Variants in ARHGAP22 observed in about 807,000 individuals in gnomAD.
The protein encoded by ARHGAP22 is Rho GTPase activating protein 22.
Under a neutral mutation model 59.1 loss-of-function variants are expected in ARHGAP22, and 48 were observed. That is an observed-to-expected ratio of 0.81 (90% CI 0.64 to 1.03). ARHGAP22 has a LOEUF of 1.03. Ranked by LOEUF, ARHGAP22 falls within the 50% of genes least tolerant of loss-of-function variation. The pLI, the probability that ARHGAP22 is intolerant of heterozygous loss-of-function variation, is 0.00. For missense variants in ARHGAP22, 1,015 were observed against 958.7 expected (o/e 1.06, Z -0.78); for synonymous variants, 445 against 416.4 (o/e 1.07, Z -0.84).
At chr10:48,592,045 A>C (rs999873502) in intron 1 of ARHGAP22, among the ~76,000 whole-genome samples, 34 of 152,228 alleles carry the variant, frequency 2.2e-4, no homozygotes, top group African/African-American at 8.2e-4. Context: ...GTTAGTAAGA[A>C]AATGGACAAA....
At chr10:48,628,966 T>C (rs1284853873) in intron 1 of ARHGAP22, among the ~76,000 whole-genome samples, 1 of 152,178 alleles carries the variant, frequency 6.6e-6, no homozygotes, top group Non-Finnish European at 1.5e-5. Flanking sequence ...CTGACCAATG[T>C]GTCTGCTCCT....
At chr10:48,510,584 G>C (rs1031550356) in intron 3 of ARHGAP22, 1 of 152,212 alleles carries the variant, frequency 6.6e-6, no homozygotes, top group African/African-American at 2.4e-5. Context: ...TCCTTGTCTT[G>C]AGTAACTCTT....
chr10:48,455,026 CT>C lies in ARHGAP22; in HGVS notation c.767del (p.Gln256ArgfsTer18). Reference protein sequence around the residue: ...ARYEDFLSCAQLLTKDEGEGT... With the variant: ...ARYEDFLSCAXLLTKDEGEGT... ...CCTCCCCCTCGTCCTTGGTGAGCAG[CT>C]GGGCGCAGCTGAGGAAGTCCTCGTA... On this transcript the variant is annotated frameshift_variant, in exon 6 of 10. Transcript: ENST00000249601. LOFTEE classifies it high-confidence loss of function. The C allele has an allele frequency of 6.2e-7, 1 of 1,608,122 alleles. No individual in the cohort carries two copies. Among genetic ancestry groups the C allele is most frequent in the Non-Finnish European group, 8.5e-7 (1 of 1,176,330 alleles).
intron 1 of ARHGAP22, chr10:48,624,790 G>A (rs1165185432): frequency 1.3e-5 from 2 of 152,232 alleles, no homozygotes; most frequent in African/African-American, 4.8e-5. Context: ...CAGTAAGAGT[G>A]AAGTGATTCC....
chr10:48,548,016 G>A (rs920332411), intron 3 of ARHGAP22, among the ~76,000 whole-genome samples: 1 of 152,198 alleles, frequency 6.6e-6, no homozygotes, highest in African/African-American at 2.4e-5. Context: ...TGGTCCAGAT[G>A]CCAGAGTGGA....
At chr10:48,581,521 G>T (rs965382895) in intron 2 of ARHGAP22, among the ~76,000 whole-genome samples, 2 of 152,290 alleles carry the variant, frequency 1.3e-5, no homozygotes, top group East Asian at 1.9e-4. Flanking sequence ...ATACAATCAA[G>T]GAGGCTGGAC....
At position 48,555,445 on chromosome 10, in the gene ARHGAP22, G is replaced by A. The variant is rs557201911; in HGVS notation, c.322+18C>T. The A allele has an allele frequency of 4.3e-6, 7 of 1,612,450 alleles. No homozygotes were observed. The highest frequency in any genetic ancestry group is 1.3e-5 in the African/African-American group (1 of 75,002). ...CACCCCCACCAGGGCTGCAGAGCTG[G>A]AAGGTGCTCAGGCCTACCTGGGCTG... On this transcript the variant is annotated intron_variant, in intron 3 of 9. Coordinates refer to ENST00000249601, the MANE Select transcript of ARHGAP22 (RefSeq NM_021226.4).
At chr10:48,636,581 C>A (rs568762214) in intron 1 of ARHGAP22, among the ~76,000 whole-genome samples, 1 of 152,350 alleles carries the variant, frequency 6.6e-6, no homozygotes, top group East Asian at 1.9e-4. Context: ...CACAGCCCTG[C>A]CCTTTTGCAG....
the ARHGAP22 span, among the ~76,000 whole-genome samples, chr10:48,432,751 A>G: frequency 6.6e-6 from 1 of 152,224 alleles, no homozygotes; most frequent in East Asian, 1.9e-4. Flanking sequence ...TTAATTTGTA[A>G]GTGAATAATT....
intron 3 of ARHGAP22, among the ~76,000 whole-genome samples, chr10:48,512,036 A>AG (rs2052824289): frequency 6.6e-6 from 1 of 152,236 alleles, no homozygotes; most frequent in African/African-American, 2.4e-5. Flanking sequence ...TCCAGTGGTG[A>AG]GCAGGCTCTC....
At chr10:48,517,586 G>A (rs1254642100) in intron 3 of ARHGAP22, among the ~76,000 whole-genome samples, 1 of 152,160 alleles carries the variant, frequency 6.6e-6, no homozygotes, top group Non-Finnish European at 1.5e-5. Context: ...CCGAGGTCAG[G>A]GACTTAGGGC....
intron 4 of ARHGAP22, among the ~76,000 whole-genome samples, chr10:48,467,900 A>G (rs1200174783): frequency 6.6e-6 from 1 of 152,182 alleles, no homozygotes; most frequent in Non-Finnish European, 1.5e-5. Flanking sequence ...CTGGACGTGC[A>G]GAGCTGGGTC....
the ARHGAP22 span, chr10:48,431,131 C>T: frequency 9.9e-7 from 1 of 1,006,204 alleles, no homozygotes; most frequent in Non-Finnish European, 1.6e-6. Flanking sequence ...TTAAACCATA[C>T]ATGCGTTGTG....
rs983250436 is a variant in ARHGAP22, at chr10:48,507,900, GGGGGTGGGGGT to G, written c.323-28147_323-28137del. On this transcript the variant is annotated intron_variant, in intron 3 of 9. Coordinates refer to ENST00000249601, the MANE Select transcript of ARHGAP22 (RefSeq NM_021226.4). ...GAGCAACTGAGGCTCGGAAATACTG[GGGGGTGGGGGT>G]GGGGTGGGGGTGGGGGTGGGGGGGG... 2.2e-4 allele frequency among the ~76,000 whole-genome samples: 33 copies of G among 149,070 alleles called. 1 individual carries two copies. Among genetic ancestry groups the G allele is most frequent in the East Asian group, 2.2e-3 (11 of 5,012 alleles).
chr10:48,447,398 A>G (rs941756521), intron 9 of ARHGAP22, among the ~76,000 whole-genome samples: 1 of 152,216 alleles, frequency 6.6e-6, no homozygotes, highest in Non-Finnish European at 1.5e-5. Context: ...GACACAAGCC[A>G]CAGTGAAATG....
chr10:48,555,654 AG>A, intron 2 of ARHGAP22, 104 bp from the exon 3 acceptor site: 1 of 1,102,044 alleles, frequency 9.1e-7, no homozygotes, highest in Non-Finnish European at 1.4e-6. Flanking sequence ...GGGGCCCTCC[AG>A]GCCATGGCTG....
At position 48,446,194 on chromosome 10, in the gene ARHGAP22, T is replaced by C. The variant is rs937429217; in HGVS notation, c.*197A>G. 5 of 609,080 alleles carry C rather than the reference T, an allele frequency of 8.2e-6. No homozygotes were observed. Among genetic ancestry groups the C allele is most frequent in the African/African-American group, 3.7e-5 (2 of 53,968 alleles). 37.7% of individuals were successfully genotyped at this position (609,080 alleles called of 1,614,324 possible). A position where few individuals can be genotyped will look rare whatever the true frequency, so the allele number is the denominator to read the frequency against. On this transcript the variant is annotated 3_prime_UTR_variant, in exon 10 of 10. Transcript: ENST00000249601. ...CTTCTGACCCTCACCAGGAACTGCA[T>C]GGTTGGAGCAGCATCTGATCCCACC...
chr10:48,454,777 C>G (rs987520537), intron 6 of ARHGAP22, among the ~76,000 whole-genome samples: 3 of 152,130 alleles, frequency 2.0e-5, no homozygotes, highest in African/African-American at 7.2e-5. Flanking sequence ...AGGTATGGCT[C>G]CAGACAGCAG....
chr10:48,432,852 G>A, the ARHGAP22 span, among the ~76,000 whole-genome samples: 1 of 152,178 alleles, frequency 6.6e-6, no homozygotes, highest in African/African-American at 2.4e-5. Context: ...TGGATCCTCA[G>A]TTATAGCTTG....
Sources: gnomAD v4.1 joint callset for allele counts (sites outside exome capture counted in the v4.1 genomes callset) on GRCh38, gnomAD v4.1.1 for gene constraint, MANE v1.5 for transcripts, NCBI Gene and HGNC (gene_info 2026-07-23, HGNC 2026-07-21) for gene names.